VAV1: variants seen among roughly 807,000 people sequenced by gnomAD.
VAV1 encodes the protein vav guanine nucleotide exchange factor 1.
Under a neutral mutation model 128.1 loss-of-function variants are expected in VAV1, and 33 were observed. The ratio of observed to expected loss-of-function variants is 0.26; its 90% CI spans 0.20 to 0.34. The LOEUF is 0.34. Among genes scored for constraint, VAV1 ranks in the 10% least tolerant of loss-of-function variants. VAV1 has a pLI of 1.00. For missense variants in VAV1, 715 were observed against 1,093.7 expected (o/e 0.65, Z 4.88); for synonymous variants, 394 against 409.8 (o/e 0.96, Z 0.47).
intron 1 of VAV1, among the ~76,000 whole-genome samples, chr19:6,773,830 C>T (rs1363230853): frequency 1.3e-5 from 2 of 152,084 alleles, no homozygotes; most frequent in Non-Finnish European, 2.9e-5. Context: ...GCTGTAGCAT[C>T]ATGTCTGGTT....
intron 25 of VAV1, 77 bp downstream of exon 25, chr19:6,853,156 C>T (rs1448901780): frequency 6.0e-6 from 8 of 1,325,268 alleles, no homozygotes; most frequent in Non-Finnish European, 8.5e-6. Flanking sequence ...ATGCCATTGA[C>T]ACCCCTTCCA....
chr19:6,803,855 G>T (rs1297123527), intron 1 of VAV1, among the ~76,000 whole-genome samples: 1 of 152,172 alleles, frequency 6.6e-6, no homozygotes, highest in Non-Finnish European at 1.5e-5. Context: ...GTGAGCCACT[G>T]CTCCCAGCGC....
rs1431596356 is a variant in VAV1 at position 6,828,968 on chromosome 19, G to A, written c.1265+68G>A. 6 of 1,571,144 alleles carry A rather than the reference G, an allele frequency of 3.8e-6. No individual in the cohort carries two copies. In the African/African-American group the frequency reaches 5.4e-5, roughly 14 times the overall value. ...GGGGTGGGACCAGGCTCCTAGATGG[G>A]CAGGTGGGTGGAGTCAACACAGATC... On this transcript the variant is annotated intron_variant, in intron 13 of 26. Transcript: ENST00000602142. This position sits in a 1 kb window ranked among gnomAD's most constrained non-coding sequence, Gnocchi z 4.5.
At chr19:6,799,975 G>A (rs905487346) in intron 1 of VAV1, among the ~76,000 whole-genome samples, 19 of 151,382 alleles carry the variant, frequency 1.3e-4, no homozygotes, top group African/African-American at 4.4e-4. Flanking sequence ...GGAATATATC[G>A]TATGATAGGT....
intron 26 of VAV1, among the ~76,000 whole-genome samples, chr19:6,855,905 C>T (rs1972788248): frequency 6.6e-6 from 1 of 152,188 alleles, no homozygotes; most frequent in Admixed American, 6.6e-5. Context: ...TCCATCCATT[C>T]ATCTATCCAT....
Position 6,821,876 on chromosome 19 carries a change from G to A in VAV1, c.449+17G>A. 1 of 1,614,062 alleles carries A rather than the reference G, an allele frequency of 6.2e-7. No individual in the cohort carries two copies. The highest frequency in any genetic ancestry group is 8.5e-7 in the Non-Finnish European group (1 of 1,179,932). On this transcript the variant is annotated intron_variant, in intron 4 of 26. Coordinates refer to ENST00000602142, the MANE Select transcript of VAV1 (RefSeq NM_005428.4). ...CCAGATCGAGTGAGTGCTCAGGCCT[G>A]TGGCCGCACAGCTCACTGGAGCACC... is the stretch of plus-strand genomic sequence containing the variant.
In VAV1 at chr19:6,850,766, C is replaced by A; in HGVS notation, c.2217+9C>A. 6.2e-7 allele frequency: 1 copy of A among 1,613,688 alleles called. No individual in the cohort carries two copies. The highest frequency in any genetic ancestry group is 8.5e-7 in the Non-Finnish European group (1 of 1,179,742). ...CTTTCCGGGGGCTTACGGTAAGGGT[C>A]AATGTCCGCTCAATCCCAGCTTTCC... On this transcript the variant is annotated intron_variant, in intron 24 of 26. Coordinates refer to ENST00000602142, the MANE Select transcript of VAV1 (RefSeq NM_005428.4).
At chr19:6,847,896 A>G in intron 22 of VAV1, 102 bp from the exon 23 acceptor site, 1 of 1,107,566 alleles carries the variant, frequency 9.0e-7, no homozygotes, top group South Asian at 2.1e-5. Context: ...TCACCAACTT[A>G]AAAAATCAAA....
rs141555271 is a variant in VAV1 at position 6,787,012 on chromosome 19, C to T, written c.204+14001C>T. ...ACACGGTCAGGCCCATTTGTTGACA[C>T]GCTGTCTATTTTTTTTTTTTTTTGA... is the stretch of plus-strand genomic sequence containing the variant. On this transcript the variant is annotated intron_variant, in intron 1 of 26. Coordinates refer to ENST00000602142, the MANE Select transcript of VAV1 (RefSeq NM_005428.4). Among the ~76,000 whole-genome samples the T allele has an allele frequency of 2.7e-3, 398 of 146,642 alleles. 3 individuals carry two copies. The highest frequency in any genetic ancestry group is 8.5e-3 in the African/African-American group (326 of 38,530).
At position 6,820,631 on chromosome 19, in the gene VAV1, G is replaced by C; in HGVS notation, c.205-71G>C. On this transcript the variant is annotated intron_variant, in intron 1 of 26. Transcript: ENST00000602142. The surrounding 1 kb of genome is among the most constrained non-coding windows in gnomAD (Gnocchi z 4.4). ...CCCCTCCACACCAGTCCCCAAGCTA[G>C]GTGGCCTGGGGGTCAGTTTCTCCCC... The C allele has an allele frequency of 8.0e-7, 1 of 1,247,544 alleles. No individual in the cohort carries two copies. The highest frequency in any genetic ancestry group is 1.2e-6 in the Non-Finnish European group (1 of 849,508). 77.3% of individuals were successfully genotyped at this position (1,247,544 alleles called of 1,614,324 possible).
At chr19:6,852,322 G>T (rs980634736) in intron 24 of VAV1, among the ~76,000 whole-genome samples, 1 of 152,196 alleles carries the variant, frequency 6.6e-6, no homozygotes, top group African/African-American at 2.4e-5. Context: ...GCCTGATGAT[G>T]ATTGCTAATT....
intron 1 of VAV1, among the ~76,000 whole-genome samples, chr19:6,804,829 T>C (rs539908625): frequency 6.6e-6 from 1 of 151,232 alleles, no homozygotes; most frequent in East Asian, 2.0e-4. Context: ...GTTCACGCCA[T>C]TCTCCTGCTT....
chr19:6,780,125 A>AATG (rs1970738391), intron 1 of VAV1, among the ~76,000 whole-genome samples: 2 of 131,196 alleles, frequency 1.5e-5, no homozygotes, highest in African/African-American at 5.7e-5. Context: ...TAATAATAAT[A>AATG]ATAATAATAA....
chr19:6,780,770 C>T (rs1970752892), intron 1 of VAV1, among the ~76,000 whole-genome samples: 1 of 150,016 alleles, frequency 6.7e-6, no homozygotes, highest in Non-Finnish European at 1.5e-5. Context: ...GACAGGGTTT[C>T]ACCATGTTGA....
intron 1 of VAV1, among the ~76,000 whole-genome samples, chr19:6,799,144 C>T (rs559980763): frequency 5.3e-5 from 8 of 152,106 alleles, no homozygotes; most frequent in African/African-American, 1.9e-4. Context: ...ATCCATTCAT[C>T]CCTTGATGGA....
At chr19:6,824,993 T>G in intron 6 of VAV1, 60 bp from the exon 7 acceptor site, 66 of 1,555,244 alleles carry the variant, frequency 4.2e-5, no homozygotes, top group Non-Finnish European at 5.7e-5. Context: ...CCTGTCTCTC[T>G]GAGACTGGTC....
chr19:6,845,811 ATTC>A (rs1286874438), intron 22 of VAV1, among the ~76,000 whole-genome samples: 1 of 147,876 alleles, frequency 6.8e-6, no homozygotes, highest in Non-Finnish European at 1.5e-5. Context: ...ACTAATATTT[ATTC>A]TTTAAATTGT....
At chr19:6,811,575 T>A (rs1281180315) in intron 1 of VAV1, among the ~76,000 whole-genome samples, 1 of 152,128 alleles carries the variant, frequency 6.6e-6, no homozygotes, top group Admixed American at 6.6e-5. Flanking sequence ...AGAAGAGATA[T>A]TGGAGATGGG....
intron 1 of VAV1, among the ~76,000 whole-genome samples, chr19:6,791,897 C>G (rs1334614143): frequency 6.6e-6 from 1 of 151,720 alleles, no homozygotes; most frequent in East Asian, 1.9e-4. Context: ...TGAGAAGAAT[C>G]AGAATGAAGG....
Sources: gnomAD v4.1 joint callset for allele counts (sites outside exome capture counted in the v4.1 genomes callset) on GRCh38, gnomAD v4.1.1 for gene constraint, Gnocchi (gnomAD v3.1) non-coding constraint, MANE v1.5 for transcripts, NCBI Gene and HGNC (gene_info 2026-07-23, HGNC 2026-07-21) for gene names.